CSMD1: variants seen among roughly 807,000 people sequenced by gnomAD.
CSMD1 encodes the protein CUB and sushi domain-containing protein 1.
CSMD1 carries 213 observed loss-of-function variants against 417.5 expected under a neutral mutation model. The observed-to-expected ratio is 0.51, with a 90% CI of 0.46 to 0.57. The LOEUF is 0.57. Among genes scored for constraint, CSMD1 ranks in the 20% least tolerant of loss-of-function variants. CSMD1 has a pLI of 0.00. For synonymous variants in CSMD1, 2,862 were observed against 1,736.8 expected (o/e 1.65, Z -16.11); for missense variants, 6,923 against 4,529.7 (o/e 1.53, Z -15.17).
intron 2 of CSMD1, among the ~76,000 whole-genome samples, chr8:4,578,262 G>A (rs1330210116): frequency 1.3e-5 from 2 of 148,632 alleles, no homozygotes; most frequent in South Asian, 2.1e-4. Flanking sequence ...CCGGGTTCAC[G>A]CCATTCTCCT....
chr8:4,442,225 A>G (rs1487875533), intron 2 of CSMD1, among the ~76,000 whole-genome samples: 2 of 152,332 alleles, frequency 1.3e-5, no homozygotes, highest in East Asian at 1.9e-4. Flanking sequence ...GATGTCATAC[A>G]CAGTGCAGTG....
chr8:4,554,047 C>A (rs968741984), intron 2 of CSMD1, among the ~76,000 whole-genome samples: 1 of 152,202 alleles, frequency 6.6e-6, no homozygotes. Flanking sequence ...CATTATATCC[C>A]TGCTGTCTCG....
At chr8:3,341,291 C>T (rs1005184725) in intron 23 of CSMD1, among the ~76,000 whole-genome samples, 6 of 152,130 alleles carry the variant, frequency 3.9e-5, no homozygotes, top group African/African-American at 7.2e-5. Flanking sequence ...GCTACCTGGA[C>T]AACAGAAGAG....
chr8:3,081,983 C>CTGAG lies in CSMD1; in HGVS notation c.7474+5110_7474+5113dup, dbSNP rs1814136294. Among the ~76,000 whole-genome samples the CTGAG allele has an allele frequency of 2.6e-5, 4 of 152,286 alleles. No homozygotes were observed. In the South Asian group the frequency reaches 8.3e-4, roughly 32 times the overall value. On this transcript the variant is annotated intron_variant, in intron 49 of 69. Transcript: ENST00000635120. ...TTTCCCTCACATGGTCCTTATTTCACTGAGTGGCACCAAATACTCCCAGCA... is the reference window on the plus strand; with the variant it reads ...TTTCCCTCACATGGTCCTTATTTCACTGAGTGAGTGGCACCAAATACTCCCAGCA...
At chr8:4,188,961 G>A (rs2131206197) in intron 3 of CSMD1, among the ~76,000 whole-genome samples, 1 of 152,284 alleles carries the variant, frequency 6.6e-6, no homozygotes, top group Admixed American at 6.5e-5. Context: ...AGAGCCCTGT[G>A]TTGAGGGGAC....
intron 1 of CSMD1, among the ~76,000 whole-genome samples, chr8:4,718,513 T>A (rs1808837033): frequency 6.6e-6 from 1 of 152,074 alleles, no homozygotes; most frequent in Non-Finnish European, 1.5e-5. Context: ...CGCTGTCAAT[T>A]AATATTTTAC....
chr8:3,140,610 C>T (rs1818379630), intron 41 of CSMD1, among the ~76,000 whole-genome samples: 2 of 151,864 alleles, frequency 1.3e-5, no homozygotes, highest in South Asian at 2.1e-4. Flanking sequence ...GGTGAGACTA[C>T]ACATAATAAT....
chr8:3,071,657 C>A (rs1474605558), intron 49 of CSMD1, among the ~76,000 whole-genome samples: 1 of 152,108 alleles, frequency 6.6e-6, no homozygotes, highest in African/African-American at 2.4e-5. Flanking sequence ...ATATTCATTC[C>A]ATTTGAATGC....
At chr8:4,121,604 G>T (rs1585360025) in intron 3 of CSMD1, among the ~76,000 whole-genome samples, 2 of 140,222 alleles carry the variant, frequency 1.4e-5, no homozygotes, top group African/African-American at 2.6e-5. Flanking sequence ...TAAATCATGT[G>T]CATAAACACC....
At chr8:2,977,639 C>T (rs1390700251) in intron 55 of CSMD1, among the ~76,000 whole-genome samples, 1 of 152,110 alleles carries the variant, frequency 6.6e-6, no homozygotes, top group Admixed American at 6.5e-5. Context: ...AGAGTGAACA[C>T]ACAACCAACA....
chr8:3,091,746 G>A (rs1388589649), intron 47 of CSMD1, 84 bp from the exon 48 acceptor site: 9 of 1,242,616 alleles, frequency 7.2e-6, no homozygotes, highest in Non-Finnish European at 1.0e-5. Flanking sequence ...TGATTACACT[G>A]GAGTCTACGT....
chr8:4,014,597 T>G (rs1252378981), intron 4 of CSMD1, among the ~76,000 whole-genome samples: 1 of 152,146 alleles, frequency 6.6e-6, no homozygotes, highest in Non-Finnish European at 1.5e-5. Flanking sequence ...ATCACTCCTG[T>G]GAGATTAAAA....
chr8:4,694,434 CCCTGCCTCCCGGATTCAAGCGATTCT>C (rs1806984177), intron 1 of CSMD1, among the ~76,000 whole-genome samples: 1 of 152,000 alleles, frequency 6.6e-6, no homozygotes, highest in African/African-American at 2.4e-5. Flanking sequence ...TCACTGCAAC[CCCTGCCTCCCGGATTCAAGCGATTCT>C]CCTGCCTCAG....
chr8:4,089,266 C>T (rs560158766), intron 3 of CSMD1, among the ~76,000 whole-genome samples: 2 of 152,138 alleles, frequency 1.3e-5, no homozygotes, highest in Non-Finnish European at 2.9e-5. Flanking sequence ...ACATTTTCTC[C>T]AGGAATTAGT....
intron 1 of CSMD1, among the ~76,000 whole-genome samples, chr8:4,699,523 A>C (rs963083881): frequency 5.9e-5 from 9 of 152,182 alleles, no homozygotes; most frequent in Admixed American, 2.6e-4. Context: ...CACTCAGCTT[A>C]TGTTCTTTTC....
chr8:4,367,245 T>G (rs1802129496), intron 3 of CSMD1, among the ~76,000 whole-genome samples: 1 of 152,152 alleles, frequency 6.6e-6, no homozygotes, highest in Non-Finnish European at 1.5e-5. Context: ...AGGGGTCCAG[T>G]CTCATAAGTC....
chr8:4,244,168 A>G (rs986069247), intron 3 of CSMD1, among the ~76,000 whole-genome samples: 6 of 152,198 alleles, frequency 3.9e-5, no homozygotes, highest in African/African-American at 1.2e-4. Context: ...CAGCTCTGCA[A>G]GTTTCTGGTA....
chr8:3,452,916 G>A (rs1815844482), intron 12 of CSMD1, among the ~76,000 whole-genome samples: 1 of 152,162 alleles, frequency 6.6e-6, no homozygotes, highest in Non-Finnish European at 1.5e-5. Flanking sequence ...TTGTATCTCT[G>A]GTAGAATTCG....
rs145101495 is a variant in CSMD1, at chr8:4,211,573, G to T, written c.416-179474C>A. ...AAGAAATGTTTACTCAAATTAGATA[G>T]AAGTTTTGCTGAAACGGCAAAAGTC... On this transcript the variant is annotated intron_variant, in intron 3 of 69. Coordinates refer to ENST00000635120, the MANE Select transcript of CSMD1 (RefSeq NM_033225.6). Among the ~76,000 whole-genome samples, 20 of 152,274 alleles carry T rather than the reference G, an allele frequency of 1.3e-4. No individual in the cohort carries two copies. The South Asian group carries it at 2.9e-3, about 22-fold the overall frequency.
Sources: gnomAD v4.1 joint callset for allele counts (sites outside exome capture counted in the v4.1 genomes callset) on GRCh38, gnomAD v4.1.1 for gene constraint, MANE v1.5 for transcripts, NCBI Gene and HGNC (gene_info 2026-07-23, HGNC 2026-07-21) for gene names.